The following BMPR1B variants were observed in gnomAD, a reference collection of about 807,000 sequenced individuals.
BMPR1B encodes bone morphogenetic protein receptor type-1B.
Under a neutral mutation model 59.1 loss-of-function variants are expected in BMPR1B, and 12 were observed. The ratio of observed to expected loss-of-function variants is 0.20; its 90% CI spans 0.13 to 0.33. BMPR1B has a LOEUF of 0.33. Ranked by LOEUF, BMPR1B falls within the 10% of genes least tolerant of loss-of-function variation. BMPR1B has a pLI of 1.00. For synonymous variants in BMPR1B, 237 were observed against 207.3 expected (o/e 1.14, Z -1.23); for missense variants, 550 against 610.9 (o/e 0.90, Z 1.05).
intron 2 of BMPR1B, among the ~76,000 whole-genome samples, chr4:94,961,062 T>G (rs1023172181): frequency 6.6e-6 from 1 of 152,134 alleles, no homozygotes; most frequent in Admixed American, 6.6e-5. Flanking sequence ...CAGACCTGTC[T>G]GTTATCTGTG....
At chr4:95,115,660 A>T in intron 5 of BMPR1B, 25 bp from the exon 6 acceptor site, 2 of 1,577,594 alleles carry the variant, frequency 1.3e-6, no homozygotes, top group Non-Finnish European at 1.7e-6. Flanking sequence ...GAAACTCACT[A>T]ATAGCTGTTT....
chr4:95,062,966 T>C (rs1727510675), intron 3 of BMPR1B, among the ~76,000 whole-genome samples: 1 of 152,194 alleles, frequency 6.6e-6, no homozygotes, highest in Admixed American at 6.5e-5. Context: ...TATTTGCTAC[T>C]TAAGGGCTTT....
intron 2 of BMPR1B, among the ~76,000 whole-genome samples, chr4:94,952,030 C>T (rs1349759338): frequency 6.6e-6 from 1 of 152,028 alleles, no homozygotes; most frequent in African/African-American, 2.4e-5. Flanking sequence ...TCCTGATGTT[C>T]TAGTTTATTT....
chr4:95,004,013 G>A (rs1578911136), intron 3 of BMPR1B, among the ~76,000 whole-genome samples: 1 of 151,730 alleles, frequency 6.6e-6, no homozygotes, highest in Non-Finnish European at 1.5e-5. Flanking sequence ...TCACTATGTT[G>A]GCCAGGCTGA....
At chr4:94,841,325 G>T (rs368030935) in intron 1 of BMPR1B, among the ~76,000 whole-genome samples, 1 of 148,462 alleles carries the variant, frequency 6.7e-6, no homozygotes, top group Non-Finnish European at 1.5e-5. Context: ...GTTTACCTAA[G>T]CAAGCCTGGG....
intron 1 of BMPR1B, among the ~76,000 whole-genome samples, chr4:94,785,775 C>G (rs1722743778): frequency 6.6e-6 from 1 of 152,118 alleles, no homozygotes; most frequent in South Asian, 2.1e-4. Context: ...GACAGATCAC[C>G]TGTCAAAGCC....
chr4:94,952,852 A>C (rs1730000389), intron 2 of BMPR1B, among the ~76,000 whole-genome samples: 1 of 152,194 alleles, frequency 6.6e-6, no homozygotes, highest in South Asian at 2.1e-4. Flanking sequence ...AAATATTGAC[A>C]GTGTGGTGTT....
At chr4:95,005,630 T>G (rs1722768145) in intron 3 of BMPR1B, among the ~76,000 whole-genome samples, 1 of 152,170 alleles carries the variant, frequency 6.6e-6, no homozygotes, top group Non-Finnish European at 1.5e-5. Context: ...TTCCTTTCTT[T>G]CCTAGTTTTT....
At chr4:94,860,405 A>G (rs767678362) in intron 1 of BMPR1B, among the ~76,000 whole-genome samples, 13 of 152,164 alleles carry the variant, frequency 8.5e-5, no homozygotes, top group Non-Finnish European at 2.9e-5. Context: ...AATCTTACAG[A>G]AGACATTTCT....
intron 2 of BMPR1B, among the ~76,000 whole-genome samples, chr4:94,900,659 A>G (rs1578779480): frequency 2.0e-5 from 3 of 152,068 alleles, no homozygotes; most frequent in Admixed American, 2.0e-4. Flanking sequence ...TTGGGACAGC[A>G]TAGAAGCTGT....
At chr4:94,953,215 A>C (rs187240593) in intron 2 of BMPR1B, among the ~76,000 whole-genome samples, 1 of 151,972 alleles carries the variant, frequency 6.6e-6, no homozygotes, top group African/African-American at 2.4e-5. Context: ...TCTTTATCCA[A>C]TTTGCCAGTG....
chr4:95,147,558 G>T (rs994614613), intron 10 of BMPR1B, among the ~76,000 whole-genome samples: 3 of 151,058 alleles, frequency 2.0e-5, no homozygotes, highest in African/African-American at 7.3e-5. Flanking sequence ...AGAGTGTAAT[G>T]AAAAGCAAAA....
chr4:94,975,016 C>T (rs1475909916), intron 2 of BMPR1B, among the ~76,000 whole-genome samples: 1 of 152,182 alleles, frequency 6.6e-6, no homozygotes, highest in African/African-American at 2.4e-5. Flanking sequence ...GAAACCACTT[C>T]ACTAACTGTA....
chr4:94,813,079 C>G (rs1469440786), intron 1 of BMPR1B, among the ~76,000 whole-genome samples: 3 of 151,126 alleles, frequency 2.0e-5, no homozygotes, highest in Non-Finnish European at 4.4e-5. Flanking sequence ...ATTAATTAAG[C>G]AAATATTTAC....
chr4:94,786,087 A>G (rs892231217), intron 1 of BMPR1B, among the ~76,000 whole-genome samples: 3 of 152,244 alleles, frequency 2.0e-5, no homozygotes, highest in Non-Finnish European at 4.4e-5. Flanking sequence ...AGAATATAGT[A>G]TATGTTAAAA....
intron 2 of BMPR1B, among the ~76,000 whole-genome samples, chr4:94,893,969 G>A (rs1467300028): frequency 6.6e-6 from 1 of 151,958 alleles, no homozygotes; most frequent in African/African-American, 2.4e-5. Flanking sequence ...TCATGTTAAT[G>A]TAATTATTGA....
chr4:95,015,746 G>A (rs983706929), intron 3 of BMPR1B, among the ~76,000 whole-genome samples: 3 of 151,258 alleles, frequency 2.0e-5, no homozygotes, highest in African/African-American at 7.3e-5. Context: ...AGACTGGAGT[G>A]CAGTGGCACG....
chr4:94,820,385 A>G (rs1021458364), intron 1 of BMPR1B, among the ~76,000 whole-genome samples: 4 of 152,186 alleles, frequency 2.6e-5, no homozygotes, highest in African/African-American at 9.6e-5. Context: ...ATTCCTGAGC[A>G]ATTTGCCAGT....
intron 3 of BMPR1B, among the ~76,000 whole-genome samples, chr4:95,012,131 CTA>C (rs1196367655): frequency 1.3e-5 from 2 of 152,070 alleles, no homozygotes; most frequent in East Asian, 3.9e-4. Context: ...ATTGATGGAA[CTA>C]TTTTATAGAT....
Sources: allele counts gnomAD v4.1 joint callset (sites outside exome capture counted in the v4.1 genomes callset), GRCh38; gene constraint gnomAD v4.1.1; transcripts MANE v1.5; gene names NCBI Gene and HGNC (gene_info 2026-07-23, HGNC 2026-07-21).